The following DCHS2 variants were observed in gnomAD, a reference collection of about 807,000 sequenced individuals.
DCHS2 encodes protocadherin-23.
A neutral mutation model predicts 182.4 loss-of-function variants in DCHS2; 142 were observed. The ratio of observed to expected loss-of-function variants is 0.78; its 90% CI spans 0.68 to 0.89. DCHS2 has a LOEUF of 0.89. Among genes scored for constraint, DCHS2 ranks in the 40% least tolerant of loss-of-function variants. The pLI is 0.00. For synonymous variants in DCHS2, 1,740 were observed against 1,663.3 expected (o/e 1.05, Z -1.12); for missense variants, 4,319 against 4,198.6 (o/e 1.03, Z -0.79).
At chr4:154,357,256 T>G (rs1729914647) in intron 3 of DCHS2, 2 of 1,613,566 alleles carry the variant, frequency 1.2e-6, no homozygotes, top group African/African-American at 1.3e-5. Context: ...ATCTCTAAAC[T>G]GTTCATTACT....
chr4:154,476,156 C>T (rs1056510561), intron 1 of DCHS2, among the ~76,000 whole-genome samples: 5 of 152,028 alleles, frequency 3.3e-5, no homozygotes, highest in African/African-American at 1.2e-4. Context: ...AATCTGCTAC[C>T]CAAATTTTTT....
rs755310867 is a variant in DCHS2 at position 154,236,283 on chromosome 4, G to C, written c.8369C>G (p.Ser2790Cys). Residue 2790 changes from serine to cysteine, a missense_variant, in exon 20 of 20, where the codon TCT becomes TGT. By Grantham distance (112) the Ser-to-Cys change is moderately radical. Coordinates refer to ENST00000357232, the MANE Select transcript of DCHS2 (RefSeq NM_001358235.2). Reference sequence around the variant, plus strand: ...AGCATCAAAATCCAGAGCATTTATAGAGCATATGGTAGAGGAAATAGGCAG... The same window carrying C: ...AGCATCAAAATCCAGAGCATTTATACAGCATATGGTAGAGGAAATAGGCAG... Reference protein sequence around the residue: ...ENLPISSTICSINALDFDAGP... With the variant: ...ENLPISSTICCINALDFDAGP... 3.1e-6 allele frequency: 5 copies of C among 1,614,042 alleles called. No individual in the cohort carries two copies. Among genetic ancestry groups the C allele is most frequent in the East Asian group, 2.2e-5 (1 of 44,858 alleles).
rs1731268298 is a variant in DCHS2, at chr4:154,233,083, A to G, written c.*1453T>C. 1 of 152,202 alleles carries G rather than the reference A, an allele frequency of 6.6e-6. No individual in the cohort carries two copies. Among genetic ancestry groups the G allele is most frequent in the African/African-American group, 2.4e-5 (1 of 41,460 alleles). The allele number at this position is 152,202 out of a possible 1,614,324, so 9.4% of individuals were successfully genotyped here. A position where few individuals can be genotyped will look rare whatever the true frequency, so the allele number is the denominator to read the frequency against. On this transcript the variant is annotated 3_prime_UTR_variant, in exon 20 of 20. Coordinates refer to ENST00000357232, the MANE Select transcript of DCHS2 (RefSeq NM_001358235.2). Reference sequence around the variant, plus strand: ...GATGAGGCCTATGGAAGAAGAACACAAAGGAACTATATCTGTAGTAGAAGC... The same window carrying G: ...GATGAGGCCTATGGAAGAAGAACACGAAGGAACTATATCTGTAGTAGAAGC...
Position 154,490,792 on chromosome 4 carries a change from C to A in DCHS2, c.564G>T (p.Leu188=), listed in dbSNP as rs1728797459. 2 of 1,551,456 alleles carry A rather than the reference C, an allele frequency of 1.3e-6. No individual in the cohort carries two copies. Among genetic ancestry groups the A allele is most frequent in the Non-Finnish European group, 8.7e-7 (1 of 1,146,904 alleles). The change falls in exon 1 of 20, where the codon CTG becomes CTT. Residue 188 remains leucine, a synonymous_variant. Transcript: ENST00000357232. ...CGGCGTCCGGATCGTGGGCAACTGG[C>A]AGGCGGAAGGCGGTCCCTGGCGGGC... is the stretch of plus-strand genomic sequence containing the variant. ...ELSPPGTAFR[L]PVAHDPDAGL... is the part of the protein sequence containing the mutation.
chr4:154,417,357 C>T (rs536497338), intron 1 of DCHS2, among the ~76,000 whole-genome samples: 2 of 152,164 alleles, frequency 1.3e-5, no homozygotes, highest in East Asian at 1.9e-4. Flanking sequence ...AGTAGCCTTA[C>T]CAGACTTCCT....
At chr4:154,314,174 G>A (rs1735766559) in intron 10 of DCHS2, among the ~76,000 whole-genome samples, 1 of 152,112 alleles carries the variant, frequency 6.6e-6, no homozygotes, top group South Asian at 2.1e-4. Flanking sequence ...CTTACTGTTT[G>A]CAAAATCACA....
intron 15 of DCHS2, among the ~76,000 whole-genome samples, chr4:154,255,929 T>G (rs1732644050): frequency 6.6e-6 from 1 of 152,164 alleles, no homozygotes; most frequent in Admixed American, 6.5e-5. Context: ...TATAATTTTG[T>G]GCAATGAGAA....
Position 154,341,401 on chromosome 4 carries a change from G to A in DCHS2, c.2477-6297C>T, listed in dbSNP as rs184835715. On this transcript the variant is annotated intron_variant, in intron 3 of 19. Transcript: ENST00000357232. ...AAAAAAAAAAAGAGAACGTTTTCAAGTATTTCAAAACACCGCTCTATAAGC... is the reference window on the plus strand; with the variant it reads ...AAAAAAAAAAAGAGAACGTTTTCAAATATTTCAAAACACCGCTCTATAAGC... Among the ~76,000 whole-genome samples, 1,017 of 150,042 alleles carry A rather than the reference G, an allele frequency of 6.8e-3. 9 individuals are homozygous for A. The highest frequency in any genetic ancestry group is 0.013 in the Non-Finnish European group (858 of 67,582).
chr4:154,382,979 T>C (rs1220409976), intron 1 of DCHS2, among the ~76,000 whole-genome samples: 2 of 152,182 alleles, frequency 1.3e-5, no homozygotes, highest in African/African-American at 4.8e-5. Context: ...AATAATCCAA[T>C]TACTGAGTAA....
intron 1 of DCHS2, among the ~76,000 whole-genome samples, chr4:154,488,620 T>G (rs1728669740): frequency 6.6e-6 from 1 of 152,042 alleles, no homozygotes; most frequent in Non-Finnish European, 1.5e-5. Context: ...ATATGAGACA[T>G]TGCTGGGCGT....
At chr4:154,263,869 C>T (rs62330243) in intron 14 of DCHS2, among the ~76,000 whole-genome samples, 6,654 of 151,864 alleles carry the variant, frequency 0.044, 190 homozygotes, top group Non-Finnish European at 0.064. Flanking sequence ...TCTGCAGCAA[C>T]GGTGATGAGT....
intron 13 of DCHS2, among the ~76,000 whole-genome samples, chr4:154,284,019 C>G (rs1734276829): frequency 6.6e-6 from 1 of 152,140 alleles, no homozygotes; most frequent in African/African-American, 2.4e-5. Context: ...TGAGATAACC[C>G]AGAACATTTC....
intron 7 of DCHS2, 37 bp downstream of exon 7, chr4:154,328,056 T>G: frequency 2.1e-6 from 3 of 1,458,260 alleles, no homozygotes; most frequent in Non-Finnish European, 2.8e-6. Context: ...GCAGAAATCC[T>G]AAAAGTTCTT....
At chr4:154,438,357 C>G (rs1733866182) in intron 1 of DCHS2, among the ~76,000 whole-genome samples, 1 of 152,190 alleles carries the variant, frequency 6.6e-6, no homozygotes, top group Non-Finnish European at 1.5e-5. Context: ...TAATTTCTGG[C>G]TTTCCATTCT....
In DCHS2 at chr4:154,312,799, A is replaced by C. The variant is rs1346577086; in HGVS notation, c.5260+2949T>G. Among the ~76,000 whole-genome samples the C allele has an allele frequency of 4.6e-5, 7 of 152,340 alleles. No homozygotes were observed. In the East Asian group the frequency reaches 1.4e-3, roughly 29 times the overall value. ...TTATCCTTTATTCTTTGATATACAC[A>C]CAAATAAGTCACCTTCTAAAGGGTA... On this transcript the variant is annotated intron_variant, in intron 10 of 19. Coordinates refer to ENST00000357232, the MANE Select transcript of DCHS2 (RefSeq NM_001358235.2).
intron 16 of DCHS2, among the ~76,000 whole-genome samples, 163 bp downstream of exon 16, chr4:154,255,356 C>T (rs1050601399): frequency 4.6e-5 from 7 of 152,106 alleles, no homozygotes; most frequent in African/African-American, 1.7e-4. Context: ...AGACTATTTT[C>T]AATATCAAAA....
chr4:154,307,763 T>G (rs1012448063), intron 10 of DCHS2, among the ~76,000 whole-genome samples: 2 of 152,164 alleles, frequency 1.3e-5, no homozygotes, highest in Non-Finnish European at 2.9e-5. Flanking sequence ...TGCTGTTGTA[T>G]CTGGCAATCT....
chr4:154,405,919 T>C (rs1195253111), intron 1 of DCHS2, among the ~76,000 whole-genome samples: 1 of 152,254 alleles, frequency 6.6e-6, no homozygotes, highest in East Asian at 1.9e-4. Context: ...AATTATGTTG[T>C]CTCCCTTTAA....
chr4:154,279,116 A>T (rs1361921444), intron 13 of DCHS2, among the ~76,000 whole-genome samples: 1 of 152,154 alleles, frequency 6.6e-6, no homozygotes, highest in Admixed American at 6.6e-5. Context: ...TGTGTTGGGG[A>T]TGTAAAGGAG....
Sources: allele counts gnomAD v4.1 joint callset (sites outside exome capture counted in the v4.1 genomes callset), GRCh38; gene constraint gnomAD v4.1.1; transcripts MANE v1.5; gene names NCBI Gene and HGNC (gene_info 2026-07-23, HGNC 2026-07-21).